ARID1B: variants seen among roughly 807,000 people sequenced by gnomAD.
The protein encoded by ARID1B is AT-rich interaction domain 1B.
Under a neutral mutation model 212.3 loss-of-function variants are expected in ARID1B, and 30 were observed. The observed-to-expected ratio is 0.14, with a 90% CI of 0.11 to 0.19. The LOEUF (loss-of-function observed/expected upper bound fraction) is 0.19, where lower values mean the gene tolerates loss of function less well. ARID1B is among the 10% of genes least tolerant of loss of function. ARID1B has a pLI of 1.00. For missense variants in ARID1B, 2,891 were observed against 3,204.0 expected, an observed-to-expected ratio of 0.90 and a Z score of 2.36; for synonymous variants, 1,402 against 1,301.7, an observed-to-expected ratio of 1.08 and a Z score of -1.66.
intron 4 of ARID1B, chr6:156,984,599 G>A (rs1033475269): frequency 2.0e-5 from 3 of 152,242 alleles, no homozygotes; most frequent in East Asian, 3.8e-4. Context: ...AGTGGGTGGG[G>A]TGCAGTTGTG....
chr6:157,127,339 G>C (rs1445767625), intron 6 of ARID1B, among the ~76,000 whole-genome samples: 2 of 152,124 alleles, frequency 1.3e-5, no homozygotes, highest in African/African-American at 2.4e-5. Context: ...TACCTGTCCT[G>C]TACCCTTGTT....
chr6:156,837,928 C>T (rs542418278), intron 2 of ARID1B, among the ~76,000 whole-genome samples: 14 of 152,186 alleles, frequency 9.2e-5, no homozygotes, highest in Non-Finnish European at 1.6e-4. Flanking sequence ...GGGTAGTGTG[C>T]GTGTATAACA....
chr6:156,970,270 A>G (rs1238604352), intron 4 of ARID1B, among the ~76,000 whole-genome samples: 1 of 152,030 alleles, frequency 6.6e-6, no homozygotes, highest in Non-Finnish European at 1.5e-5. Context: ...TTTAGTAGAG[A>G]TGGAGTTTCA....
intron 4 of ARID1B, among the ~76,000 whole-genome samples, chr6:157,017,640 T>G (rs1308831819): frequency 6.6e-6 from 1 of 152,220 alleles, no homozygotes; most frequent in Non-Finnish European, 1.5e-5. Context: ...GTAATTGCTT[T>G]TTAACCTTTT....
intron 2 of ARID1B, among the ~76,000 whole-genome samples, chr6:156,890,418 A>G (rs1375034836): frequency 3.3e-5 from 5 of 152,256 alleles, no homozygotes; most frequent in Non-Finnish European, 1.5e-5. Context: ...GAACTTTTCA[A>G]TGTTTCCCAA....
rs1268554648 is a variant in ARID1B at position 157,084,736 on chromosome 6, G to T, written c.2322G>T (p.Gly774=). 6.2e-7 allele frequency: 1 copy of T among 1,614,124 alleles called. No homozygotes were observed. The highest frequency in any genetic ancestry group is 2.2e-5 in the East Asian group (1 of 44,868). ...ATLSSAVSAS[G]STSSQGDQSN... is the part of the protein sequence containing the mutation. Reference sequence around the variant, plus strand: ...TGAGCTCAGCAGTCAGTGCATCCGGGTCCACGAGCAGCCAAGGGGATCAGA... The same window carrying T: ...TGAGCTCAGCAGTCAGTGCATCCGGTTCCACGAGCAGCCAAGGGGATCAGA... Residue 774 remains glycine, a synonymous_variant, in exon 5 of 20, where the codon GGG becomes GGT. Coordinates refer to ENST00000636930, the MANE Select transcript of ARID1B (RefSeq NM_001374828.1).
chr6:156,970,237 T>C (rs1776830344), intron 4 of ARID1B, among the ~76,000 whole-genome samples: 1 of 151,914 alleles, frequency 6.6e-6, no homozygotes, highest in African/African-American at 2.4e-5. Flanking sequence ...CCCACCACCA[T>C]ACCCGGCTAA....
At chr6:156,904,244 A>AT (rs1002654767) in intron 3 of ARID1B, among the ~76,000 whole-genome samples, 5 of 151,992 alleles carry the variant, frequency 3.3e-5, no homozygotes, top group Non-Finnish European at 7.4e-5. Flanking sequence ...CTTCTTCCAT[A>AT]TTTTTTTCCT....
intron 6 of ARID1B, among the ~76,000 whole-genome samples, chr6:157,118,566 G>A (rs1441926505): frequency 6.6e-6 from 1 of 152,176 alleles, no homozygotes; most frequent in Non-Finnish European, 1.5e-5. Flanking sequence ...CAAATGGGAG[G>A]CTTTATACAA....
At chr6:156,984,027 A>G (rs1392243788) in intron 4 of ARID1B, among the ~76,000 whole-genome samples, 2 of 150,042 alleles carry the variant, frequency 1.3e-5, no homozygotes, top group East Asian at 3.9e-4. Flanking sequence ...TATTAAAACA[A>G]TCATTTTTTT....
chr6:157,022,044 T>C (rs995841809), intron 4 of ARID1B, among the ~76,000 whole-genome samples: 2 of 152,112 alleles, frequency 1.3e-5, no homozygotes, highest in African/African-American at 4.8e-5. Context: ...CCCGTTCGCG[T>C]AATTAAAACG....
intron 2 of ARID1B, 78 bp from the exon 3 acceptor site, chr6:156,901,298 G>A: frequency 6.5e-7 from 1 of 1,541,050 alleles, no homozygotes; most frequent in Non-Finnish European, 8.9e-7. Context: ...CCTTCATGTT[G>A]CTGAATTGAA....
intron 2 of ARID1B, among the ~76,000 whole-genome samples, chr6:156,834,809 A>G (rs971496422): frequency 6.6e-6 from 1 of 152,198 alleles, no homozygotes; most frequent in Non-Finnish European, 1.5e-5. Flanking sequence ...GTTGTTCTTC[A>G]GCAGTGAACA....
intron 3 of ARID1B, among the ~76,000 whole-genome samples, chr6:156,933,485 T>C (rs2128267221): frequency 6.6e-6 from 1 of 152,306 alleles, no homozygotes; most frequent in South Asian, 2.1e-4. Context: ...ATCTAGAATC[T>C]GGAAGAAACG....
At chr6:156,803,349 A>G (rs1780921734) in intron 1 of ARID1B, among the ~76,000 whole-genome samples, 1 of 152,216 alleles carries the variant, frequency 6.6e-6, no homozygotes, top group Admixed American at 6.5e-5. Flanking sequence ...AGAATAATGG[A>G]TCTTGCAAAG....
intron 11 of ARID1B, 86 bp downstream of exon 11, chr6:157,175,091 T>G: frequency 9.1e-7 from 1 of 1,104,444 alleles, no homozygotes; most frequent in South Asian, 4.0e-5. Context: ...CTTGAATGCT[T>G]GCTTGTTTAT....
chr6:156,923,141 T>TGGAC (rs1433446870), intron 3 of ARID1B, among the ~76,000 whole-genome samples: 1 of 152,118 alleles, frequency 6.6e-6, no homozygotes, highest in East Asian at 1.9e-4. Flanking sequence ...GAAGGGTGGG[T>TGGAC]GGACAGGTAT....
intron 4 of ARID1B, among the ~76,000 whole-genome samples, chr6:157,079,353 G>A (rs372324219): frequency 3.5e-4 from 54 of 152,276 alleles, no homozygotes; most frequent in African/African-American, 1.2e-3. Flanking sequence ...ACAGGTTAAT[G>A]CAAGAAAAAG....
At chr6:157,082,884 T>G (rs1468068873) in intron 4 of ARID1B, among the ~76,000 whole-genome samples, 1 of 152,256 alleles carries the variant, frequency 6.6e-6, no homozygotes, top group Non-Finnish European at 1.5e-5. Context: ...AGACATTTTG[T>G]TTTTCTATAG....
Sources: gnomAD v4.1 joint callset for allele counts (sites outside exome capture counted in the v4.1 genomes callset) on GRCh38, gnomAD v4.1.1 for gene constraint, MANE v1.5 for transcripts, NCBI Gene and HGNC (gene_info 2026-07-23, HGNC 2026-07-21) for gene names.